The following LRIF1 variants were observed in gnomAD, a reference collection of about 807,000 sequenced individuals.
The protein encoded by LRIF1 is ligand-dependent nuclear receptor-interacting factor 1.
In LRIF1, 32 loss-of-function variants were observed where a neutral mutation model predicts 52.7. The observed-to-expected ratio is 0.61, with a 90% CI of 0.46 to 0.82. The LOEUF (loss-of-function observed/expected upper bound fraction) is 0.82. Ranked by LOEUF, LRIF1 falls within the 40% of genes least tolerant of loss-of-function variation. The probability of loss-of-function intolerance (pLI) is 0.00; values close to 1 mark genes in which losing one functional copy is unlikely to be tolerated. For synonymous variants in LRIF1, 323 were observed against 317.4 expected (o/e 1.02, Z -0.19); for missense variants, 887 against 892.0 (o/e 0.99, Z 0.07).
the LRIF1 span, chr1:110,891,326 G>C: frequency 9.2e-7 from 1 of 1,082,950 alleles, no homozygotes; most frequent in Admixed American, 1.7e-5. Context: ...CTGAACATTT[G>C]TGCACTCTGA....
chr1:110,895,011 T>C, the LRIF1 span: 2 of 1,614,064 alleles, frequency 1.2e-6, no homozygotes, highest in Non-Finnish European at 1.7e-6. Flanking sequence ...CCGTTACCAC[T>C]CAGACAATAG....
At chr1:110,878,395 C>G in the LRIF1 span, among the ~76,000 whole-genome samples, 1 of 151,744 alleles carries the variant, frequency 6.6e-6, no homozygotes, top group Non-Finnish European at 1.5e-5. Flanking sequence ...AATTACCTTG[C>G]GAATGCTCTT....
chr1:110,891,062 G>C, the LRIF1 span, among the ~76,000 whole-genome samples: 1 of 152,252 alleles, frequency 6.6e-6, no homozygotes, highest in African/African-American at 2.4e-5. Flanking sequence ...GGCACTAGTT[G>C]CTAATGCTGC....
At chr1:110,896,866 C>A in the LRIF1 span, 1 of 707,570 alleles carries the variant, frequency 1.4e-6, no homozygotes, top group Non-Finnish European at 2.4e-6. Context: ...GAGGCCAGGG[C>A]AACAACCTTG....
At chr1:110,906,272 A>G in the LRIF1 span, among the ~76,000 whole-genome samples, 3 of 152,226 alleles carry the variant, frequency 2.0e-5, no homozygotes, top group African/African-American at 7.2e-5. Flanking sequence ...GACAACAGAC[A>G]TGGTGGCTCA....
At chr1:110,953,418 T>G (rs1302671584) in intron 1 of LRIF1, among the ~76,000 whole-genome samples, 1 of 152,228 alleles carries the variant, frequency 6.6e-6, no homozygotes, top group African/African-American at 2.4e-5. Context: ...CATTTGAGGT[T>G]TAGTGCTACA....
chr1:110,918,376 T>G, the LRIF1 span, among the ~76,000 whole-genome samples: 2 of 152,168 alleles, frequency 1.3e-5, no homozygotes, highest in Admixed American at 6.5e-5. Flanking sequence ...ATGATTTTAT[T>G]TTATAGTCAA....
chr1:110,899,168 CA>C, the LRIF1 span: 1 of 1,613,630 alleles, frequency 6.2e-7, no homozygotes, highest in South Asian at 1.1e-5. Flanking sequence ...GCCAGATTGA[CA>C]AAACCAGCCA....
At chr1:110,946,832 T>G (rs778479209), downstream of LRIF1, among the ~76,000 whole-genome samples, 1 of 152,058 alleles carries the variant, frequency 6.6e-6, no homozygotes, top group Non-Finnish European at 1.5e-5. Flanking sequence ...AATTTTTGTA[T>G]TTTTAGTAGA....
At chr1:110,914,828 T>A in the LRIF1 span, among the ~76,000 whole-genome samples, 1 of 152,198 alleles carries the variant, frequency 6.6e-6, no homozygotes, top group African/African-American at 2.4e-5. Flanking sequence ...ACCAAGGATA[T>A]GGAGCCTCAG....
Position 110,951,981 on chromosome 1 carries a change from C to A in LRIF1, c.903G>T (p.Thr301=). 6.2e-7 allele frequency: 1 copy of A among 1,614,060 alleles called. No homozygotes were observed. The highest frequency in any genetic ancestry group is 1.1e-5 in the South Asian group (1 of 91,068). The change falls in exon 2 of 4, where the codon ACG becomes ACT. Residue 301 remains threonine, a synonymous_variant. Coordinates refer to ENST00000369763, the MANE Select transcript of LRIF1 (RefSeq NM_018372.4). ...AAGACTTAACAGGAACAAGAGATGG[C>A]GTAAAAGGCTGTAGATTATCTTGGA... is the stretch of plus-strand genomic sequence containing the variant. ...WIFQDNLQPF[T]PSLVPVKSSN... is the part of the protein sequence containing the mutation.
At chr1:110,929,249 A>G in the LRIF1 span, among the ~76,000 whole-genome samples, 1 of 152,332 alleles carries the variant, frequency 6.6e-6, no homozygotes, top group Non-Finnish European at 1.5e-5. Context: ...TCTTTATGAT[A>G]GAATGATTTC....
chr1:110,960,630 T>C (rs1658912271), intron 1 of LRIF1, among the ~76,000 whole-genome samples: 1 of 152,230 alleles, frequency 6.6e-6, no homozygotes, highest in South Asian at 2.1e-4. Context: ...GAGTTTCATA[T>C]TCAAATATCT....
chr1:110,939,867 CA>C, the LRIF1 span: 2 of 152,156 alleles, frequency 1.3e-5, no homozygotes, highest in African/African-American at 4.8e-5. Flanking sequence ...TCTAAGACCT[CA>C]AACTATGAAA....
downstream of LRIF1, among the ~76,000 whole-genome samples, chr1:110,946,544 C>T (rs1557835406): frequency 1.3e-5 from 2 of 151,724 alleles, no homozygotes; most frequent in African/African-American, 4.8e-5. Flanking sequence ...CAAAATCTAG[C>T]TGATCTGTGT....
chr1:110,910,234 C>A, the LRIF1 span, among the ~76,000 whole-genome samples: 1 of 149,582 alleles, frequency 6.7e-6, no homozygotes, highest in Non-Finnish European at 1.5e-5. Flanking sequence ...TCATTCTTCT[C>A]ATCTACACAT....
At chr1:110,882,489 A>G in the LRIF1 span, among the ~76,000 whole-genome samples, 1 of 152,090 alleles carries the variant, frequency 6.6e-6, no homozygotes, top group Non-Finnish European at 1.5e-5. Flanking sequence ...ATAGAAAGCA[A>G]TATAATTAGG....
chr1:110,963,610 C>A lies in LRIF1; in HGVS notation c.68+11G>T. 1 of 1,604,330 alleles carries A rather than the reference C, an allele frequency of 6.2e-7. No individual in the cohort carries two copies. Among genetic ancestry groups the A allele is most frequent in the Non-Finnish European group, 8.5e-7 (1 of 1,172,488 alleles). On this transcript the variant is annotated intron_variant, in intron 1 of 3. Transcript: ENST00000369763. ...GGGCAGCCGTGGGGAGGATTCGAAA[C>A]CGGTACTTACCAACGCGAGGCGTTG...
At chr1:110,948,737 C>T (rs1658322905) in intron 3 of LRIF1, among the ~76,000 whole-genome samples, 1 of 152,136 alleles carries the variant, frequency 6.6e-6, no homozygotes, top group Non-Finnish European at 1.5e-5. Context: ...ACAGCAGGCA[C>T]ATATGGAGGA....
Sources: gnomAD v4.1 joint callset for allele counts (sites outside exome capture counted in the v4.1 genomes callset) on GRCh38, gnomAD v4.1.1 for gene constraint, MANE v1.5 for transcripts, NCBI Gene and HGNC (gene_info 2026-07-23, HGNC 2026-07-21) for gene names.